The following SPATS2L variants were observed in gnomAD, a reference collection of about 807,000 sequenced individuals.
The protein encoded by SPATS2L is SPATS2-like protein.
Under a neutral mutation model 59.6 loss-of-function variants are expected in SPATS2L, and 30 were observed. The observed-to-expected ratio is 0.50, with a 90% confidence interval of 0.38 to 0.68. SPATS2L has a LOEUF of 0.68. Ranked by LOEUF, SPATS2L falls within the 30% of genes least tolerant of loss-of-function variation. The probability of loss-of-function intolerance (pLI) is 0.00; values close to 1 mark genes in which losing one functional copy is unlikely to be tolerated. For synonymous variants in SPATS2L, 252 were observed against 263.5 expected, an observed-to-expected ratio of 0.96 and a Z score of 0.42; for missense variants, 615 against 700.0, an observed-to-expected ratio of 0.88 and a Z score of 1.37.
At chr2:200,355,411 A>G (rs888633724) in intron 2 of SPATS2L, among the ~76,000 whole-genome samples, 2 of 152,218 alleles carry the variant, frequency 1.3e-5, no homozygotes, top group African/African-American at 4.8e-5. Flanking sequence ...AAAAATCTGG[A>G]TGTCTGTGAG....
At chr2:200,451,571 C>T (rs2085445721) in intron 8 of SPATS2L, among the ~76,000 whole-genome samples, 1 of 152,178 alleles carries the variant, frequency 6.6e-6, no homozygotes, top group South Asian at 2.1e-4. Context: ...GCAATAACAA[C>T]ACCTGTGATT....
intron 6 of SPATS2L, among the ~76,000 whole-genome samples, chr2:200,438,805 A>T (rs748282486): frequency 6.6e-6 from 1 of 152,166 alleles, no homozygotes; most frequent in Non-Finnish European, 1.5e-5. Context: ...GGCACTGCTC[A>T]TCTTCTATAA....
intron 9 of SPATS2L, among the ~76,000 whole-genome samples, chr2:200,465,546 T>C (rs1360424848): frequency 6.6e-6 from 1 of 152,194 alleles, no homozygotes; most frequent in African/African-American, 2.4e-5. Flanking sequence ...AGTTTTTCAC[T>C]AGCTCCTCTG....
chr2:200,377,160 A>G (rs1453642266), intron 2 of SPATS2L, among the ~76,000 whole-genome samples: 2 of 152,204 alleles, frequency 1.3e-5, no homozygotes, highest in Non-Finnish European at 2.9e-5. Context: ...GCTATGCCGT[A>G]GTTACTATTA....
At chr2:200,463,019 C>G (rs1392630490) in intron 9 of SPATS2L, among the ~76,000 whole-genome samples, 1 of 151,658 alleles carries the variant, frequency 6.6e-6, no homozygotes, top group Non-Finnish European at 1.5e-5. Context: ...GCACTTAGCA[C>G]AGAGCCTGAT....
At position 200,389,233 on chromosome 2, in the gene SPATS2L, A is replaced by G. The variant is rs842823; in HGVS notation, c.-12A>G. ...TTTCCTTCTTTATAGGGCCTATTCCACTAGAAGCAAGATGGCTGAACTCAA... is the reference window on the plus strand; with the variant it reads ...TTTCCTTCTTTATAGGGCCTATTCCGCTAGAAGCAAGATGGCTGAACTCAA... On this transcript the variant is annotated 5_prime_UTR_variant, in exon 3 of 13. Transcript: ENST00000409140. The G allele has an allele frequency of 0.31, 480,340 of 1,567,052 alleles. 76,421 individuals carry two copies. Among genetic ancestry groups the G allele is most frequent in the South Asian group, 0.33 (27,828 of 85,122 alleles).
chr2:200,378,395 G>A, intron 2 of SPATS2L: 1 of 1,002,376 alleles, frequency 1.0e-6, no homozygotes, highest in Non-Finnish European at 1.2e-6. Flanking sequence ...GCATTTGCTG[G>A]GAAGCCATAG....
intron 9 of SPATS2L, among the ~76,000 whole-genome samples, chr2:200,462,576 C>CT (rs2106198203): frequency 6.6e-6 from 1 of 152,304 alleles, no homozygotes; most frequent in South Asian, 2.1e-4. Flanking sequence ...ACCTCCATCT[C>CT]TAACTGGCTG....
intron 12 of SPATS2L, among the ~76,000 whole-genome samples, chr2:200,474,354 TTC>T (rs2087331149): frequency 1.3e-5 from 2 of 152,170 alleles, no homozygotes; most frequent in Admixed American, 6.5e-5. Context: ...TCTTTTTTTT[TTC>T]TTTTTTTTGG....
chr2:200,389,451 T>C (rs564862891), intron 3 of SPATS2L, 168 bp downstream of exon 3: 1 of 526,672 alleles, frequency 1.9e-6, no homozygotes, highest in Non-Finnish European at 3.4e-6. Flanking sequence ...AAGTAACATT[T>C]ACTGAAAGCA....
intron 2 of SPATS2L, among the ~76,000 whole-genome samples, chr2:200,343,648 T>C (rs1417462370): frequency 6.6e-6 from 1 of 152,222 alleles, no homozygotes; most frequent in African/African-American, 2.4e-5. Flanking sequence ...AGATGTTCAT[T>C]ACATCATTGT....
intron 1 of SPATS2L, among the ~76,000 whole-genome samples, chr2:200,315,388 A>G (rs1416316081): frequency 6.6e-6 from 1 of 152,172 alleles, no homozygotes; most frequent in East Asian, 1.9e-4. Flanking sequence ...GGTATGGTAG[A>G]GGAAGGATTT....
At chr2:200,419,216 T>G in intron 5 of SPATS2L, 34 bp from the exon 6 acceptor site, 3 of 1,528,450 alleles carry the variant, frequency 2.0e-6, no homozygotes, top group Non-Finnish European at 1.8e-6. Context: ...GAGTCTGAGT[T>G]GAATATTATG....
At chr2:200,378,930 C>T (rs1247926325) in intron 2 of SPATS2L, among the ~76,000 whole-genome samples, 1 of 152,144 alleles carries the variant, frequency 6.6e-6, no homozygotes, top group Non-Finnish European at 1.5e-5. Flanking sequence ...AAAAAGCATA[C>T]AGCCCCATCC....
chr2:200,327,860 G>GCACACACA (rs3036483), intron 1 of SPATS2L, among the ~76,000 whole-genome samples: 32 of 150,408 alleles, frequency 2.1e-4, no homozygotes, highest in African/African-American at 7.6e-4. Flanking sequence ...GCGTGTGCGG[G>GCACACACA]CACACACACA....
chr2:200,452,941 G>T (rs375516370), intron 8 of SPATS2L, among the ~76,000 whole-genome samples: 2 of 152,004 alleles, frequency 1.3e-5, no homozygotes, highest in Non-Finnish European at 2.9e-5. Flanking sequence ...AAGAATTCAG[G>T]TTGTTATAAA....
intron 12 of SPATS2L, among the ~76,000 whole-genome samples, chr2:200,474,107 T>TC (rs1257252438): frequency 2.6e-5 from 4 of 152,160 alleles, no homozygotes; most frequent in African/African-American, 7.2e-5. Context: ...TCTTTTCTTT[T>TC]TTTTTTTTGT....
chr2:200,349,514 T>G lies in SPATS2L; in HGVS notation c.-23+20034T>G, dbSNP rs183632677. ...TTAGCCGAATGTGATGGCACATGCC[T>G]GTAATCTCAGCTACTTGGAAGTCTG... On this transcript the variant is annotated intron_variant, in intron 2 of 12. Transcript: ENST00000409140. 1.2e-4 allele frequency among the ~76,000 whole-genome samples: 19 copies of G among 152,336 alleles called. No homozygotes were observed. The East Asian group carries it at 3.5e-3, about 28-fold the overall frequency.
At chr2:200,454,576 A>G (rs1406898729) in intron 8 of SPATS2L, among the ~76,000 whole-genome samples, 2 of 142,216 alleles carry the variant, frequency 1.4e-5, no homozygotes, top group South Asian at 2.2e-4. Context: ...GTGATTAACT[A>G]TATAATAAAC....
Sources: gnomAD v4.1 joint callset for allele counts (sites outside exome capture counted in the v4.1 genomes callset) on GRCh38, gnomAD v4.1.1 for gene constraint, MANE v1.5 for transcripts, NCBI Gene and HGNC (gene_info 2026-07-23, HGNC 2026-07-21) for gene names.